The following KDM1A variants were observed in gnomAD, a reference collection of about 807,000 sequenced individuals.
KDM1A encodes lysine demethylase 1A, also known as lysine-specific histone demethylase 1A.
KDM1A carries 49 observed loss-of-function variants against 109.4 expected under a neutral mutation model. That is an observed-to-expected ratio of 0.45 (90% CI 0.36 to 0.57). KDM1A has a LOEUF of 0.57. KDM1A is among the 20% of genes least tolerant of loss of function. KDM1A has a pLI of 0.00. For missense variants in KDM1A, 668 were observed against 1,116.6 expected (o/e 0.60, Z 5.73); for synonymous variants, 380 against 415.4 (o/e 0.91, Z 1.04).
chr1:23,062,502 C>G (rs1025693324), intron 9 of KDM1A, among the ~76,000 whole-genome samples: 4 of 152,144 alleles, frequency 2.6e-5, no homozygotes, highest in Admixed American at 2.0e-4. Context: ...CTGTAGAAGG[C>G]CAGAAAGTTA....
chr1:23,042,732 G>A (rs1280333655), intron 2 of KDM1A, among the ~76,000 whole-genome samples: 2 of 148,004 alleles, frequency 1.4e-5, no homozygotes, highest in East Asian at 2.0e-4. Flanking sequence ...GATTACAGGC[G>A]TGAGCCACCG....
rs1643541509 is a variant in KDM1A, at chr1:23,078,916, GTAC to G, written c.1868-73_1868-71del. 3.2e-6 allele frequency: 4 copies of G among 1,264,450 alleles called. No individual in the cohort carries two copies. In the South Asian group the frequency reaches 5.6e-5, roughly 18 times the overall value. The allele number at this position is 1,264,450 out of a possible 1,614,324, so 78.3% of individuals were successfully genotyped here. A position where few individuals can be genotyped will look rare whatever the true frequency, so the allele number is the denominator to read the frequency against. On this transcript the variant is annotated intron_variant, in intron 16 of 20. Coordinates refer to ENST00000400181, the MANE Select transcript of KDM1A (RefSeq NM_001009999.3). ...ATTGAGAAATGGATGTCCATCTGTT[GTAC>G]ACTAAATGTTCAGTGTCCTTATCAG...
chr1:23,081,648 C>A, intron 19 of KDM1A, 75 bp downstream of exon 19: 1 of 1,544,964 alleles, frequency 6.5e-7, no homozygotes, highest in South Asian at 1.2e-5. Context: ...GCAGCATGTT[C>A]TTGGTCAGGA....
At chr1:23,061,909 T>G (rs1645621129) in intron 9 of KDM1A, among the ~76,000 whole-genome samples, 1 of 152,170 alleles carries the variant, frequency 6.6e-6, no homozygotes, top group Non-Finnish European at 1.5e-5. Context: ...TCCACCCACC[T>G]TAGCCTCCCA....
chr1:23,027,276 AT>A (rs914632435), intron 1 of KDM1A, among the ~76,000 whole-genome samples: 18 of 151,796 alleles, frequency 1.2e-4, no homozygotes, highest in African/African-American at 3.6e-4. Context: ...CTTAGAATCC[AT>A]TTTTTTCCCC....
chr1:23,050,552 T>C (rs1217973606), intron 4 of KDM1A, 32 bp downstream of exon 4: 3 of 1,565,086 alleles, frequency 1.9e-6, no homozygotes, highest in Non-Finnish European at 2.6e-6. Flanking sequence ...TTCACCTGGA[T>C]TATAAAAAGT....
intron 15 of KDM1A, among the ~76,000 whole-genome samples, chr1:23,076,839 G>A (rs1020119468): frequency 6.6e-6 from 1 of 151,948 alleles, no homozygotes; most frequent in African/African-American, 2.4e-5. Flanking sequence ...GTACATGCCT[G>A]TAATCCCAGC....
chr1:23,078,914 T>C (rs1054613315), intron 16 of KDM1A, 76 bp from the exon 17 acceptor site: 1 of 1,233,352 alleles, frequency 8.1e-7, no homozygotes, highest in Admixed American at 2.1e-5. Context: ...TGTCCATCTG[T>C]TGTACACTAA....
Position 23,083,462 on chromosome 1 carries a change from T to A in KDM1A, c.*98T>A. On this transcript the variant is annotated 3_prime_UTR_variant, in exon 21 of 21. Transcript: ENST00000400181. Reference sequence around the variant, plus strand: ...TAGATCCCACTGAGAAAATCCACCCTGGCATCTGGGCTCCTGATCAGCTGA... The same window carrying A: ...TAGATCCCACTGAGAAAATCCACCCAGGCATCTGGGCTCCTGATCAGCTGA... The A allele has an allele frequency of 1.6e-6, 2 of 1,230,124 alleles. No homozygotes were observed. The highest frequency in any genetic ancestry group is 2.5e-5 in the East Asian group (1 of 40,220). 76.2% of individuals were successfully genotyped at this position (1,230,124 alleles called of 1,614,324 possible).
intron 16 of KDM1A, among the ~76,000 whole-genome samples, chr1:23,078,733 A>T (rs1371794424): frequency 6.6e-6 from 1 of 152,234 alleles, no homozygotes; most frequent in Non-Finnish European, 1.5e-5. Flanking sequence ...CCAGTGTATC[A>T]GGAGGGTAGT....
chr1:23,063,378 A>C (rs1643073118), intron 9 of KDM1A, among the ~76,000 whole-genome samples: 2 of 152,098 alleles, frequency 1.3e-5, no homozygotes. Flanking sequence ...AATGGGTGTC[A>C]GGTCTCTTAC....
Position 23,019,912 on chromosome 1 carries a change from G to T in KDM1A, c.316G>T (p.Glu106Ter). The T allele has an allele frequency of 6.4e-7, 1 of 1,573,832 alleles. No homozygotes were observed. The highest frequency in any genetic ancestry group is 2.5e-5 in the East Asian group (1 of 39,232). The change falls in exon 1 of 21, where the codon GAG (glutamate) becomes TAG (stop). Residue 106 changes from glutamate to a stop codon, truncating the protein, a stop_gained. Coordinates refer to ENST00000400181, the MANE Select transcript of KDM1A (RefSeq NM_001009999.3). LOFTEE classifies it high-confidence loss of function. ...PMETGIAETP[E>*]GRRTSRRKRA... Reference sequence around the variant, plus strand: ...GGAAACTGGAATAGCAGAGACTCCGGAGGGGCGTCGGACCAGCCGGCGCAA... The same window carrying T: ...GGAAACTGGAATAGCAGAGACTCCGTAGGGGCGTCGGACCAGCCGGCGCAA...
intron 15 of KDM1A, 87 bp from the exon 16 acceptor site, chr1:23,077,141 G>A: frequency 1.6e-6 from 2 of 1,265,484 alleles, no homozygotes; most frequent in African/African-American, 1.5e-5. Context: ...CCACAAGCTT[G>A]TGTTTTCATT....
At chr1:23,082,101 C>T in intron 19 of KDM1A, 119 bp from the exon 20 acceptor site, 2 of 1,044,144 alleles carry the variant, frequency 1.9e-6, no homozygotes, top group Non-Finnish European at 1.4e-6. Flanking sequence ...CACTGGCTCT[C>T]ACATGTTGCC....
At chr1:23,055,418 TA>T (rs552968204) in intron 6 of KDM1A, 21 of 230,966 alleles carry the variant, frequency 9.1e-5, no homozygotes, top group South Asian at 5.1e-4. Flanking sequence ...ATTTCCAATT[TA>T]AAAAAAAGAA....
At chr1:23,082,590 T>G in intron 20 of KDM1A, 1 of 418,568 alleles carries the variant, frequency 2.4e-6, no homozygotes, top group Non-Finnish European at 4.2e-6. Flanking sequence ...AGAGTATAAG[T>G]CAAATAACAT....
intron 10 of KDM1A, among the ~76,000 whole-genome samples, chr1:23,068,030 A>G (rs981927430): frequency 6.6e-6 from 1 of 152,240 alleles, no homozygotes; most frequent in African/African-American, 2.4e-5. Flanking sequence ...ATTAGTAGCC[A>G]TGAATTTCAT....
intron 20 of KDM1A, 185 bp from the exon 21 acceptor site, chr1:23,082,994 A>T (rs1056397509): frequency 3.5e-6 from 2 of 570,284 alleles, no homozygotes; most frequent in Non-Finnish European, 6.3e-6. Context: ...TTATTGTCTC[A>T]TTTCTACTTG....
At chr1:23,063,205 G>GGGGGC (rs1553130174) in intron 9 of KDM1A, among the ~76,000 whole-genome samples, 1 of 71,372 alleles carries the variant, frequency 1.4e-5, no homozygotes, top group African/African-American at 5.2e-5. Flanking sequence ...TTGGGGGGGG[G>GGGGGC]GTGTGGTGTG....
Sources: allele counts gnomAD v4.1 joint callset (sites outside exome capture counted in the v4.1 genomes callset), GRCh38; gene constraint gnomAD v4.1.1; transcripts MANE v1.5; gene names NCBI Gene and HGNC (gene_info 2026-07-23, HGNC 2026-07-21).